The following DMD variants were observed in gnomAD, a reference collection of about 807,000 sequenced individuals.
DMD encodes mutant dystrophin.
In DMD, 63 loss-of-function variants were observed where a neutral mutation model predicts 330.1. The ratio of observed to expected loss-of-function variants is 0.19; its 90% CI spans 0.16 to 0.24. The LOEUF (loss-of-function observed/expected upper bound fraction) is 0.24, where lower values mean the gene tolerates loss of function less well. DMD is among the 10% of genes least tolerant of loss of function. DMD has a pLI of 1.00. For synonymous variants in DMD, 1,223 were observed against 959.8 expected (o/e 1.27, Z -5.07); for missense variants, 3,344 against 2,684.1 (o/e 1.25, Z -5.43).
intron 67 of DMD, among the ~76,000 whole-genome samples, chrX:31,188,165 G>A (rs2041994394): frequency 1.8e-5 from 2 of 111,793 alleles, no homozygotes; most frequent in Admixed American, 1.9e-4. Context: ...GACAAGGTAC[G>A]GGGATTCACG....
chrX:32,684,066 A>G, intron 9 of DMD, among the ~76,000 whole-genome samples: 1 of 108,660 alleles, frequency 9.2e-6, no homozygotes, highest in East Asian at 2.9e-4. Flanking sequence ...GTGTGTATAC[A>G]TAATGGATTT....
At chrX:32,924,365 G>A (rs192060091) in intron 2 of DMD, among the ~76,000 whole-genome samples, 2 of 110,078 alleles carry the variant, frequency 1.8e-5, no homozygotes, top group Non-Finnish European at 1.9e-5. Context: ...CTGTCTCCAC[G>A]AAAAATAAAA....
intron 1 of DMD, among the ~76,000 whole-genome samples, chrX:33,246,267 C>T (rs1442741811): frequency 1.8e-5 from 2 of 111,916 alleles, no homozygotes; most frequent in Non-Finnish European, 3.8e-5. Flanking sequence ...GTGCAGAACA[C>T]ACCTGGGCCT....
chrX:32,273,281 T>TAAAACAAAAC (rs74314252), intron 43 of DMD, among the ~76,000 whole-genome samples: 32 of 107,191 alleles, frequency 3.0e-4, no homozygotes, highest in African/African-American at 1.1e-3. Context: ...GCTCCTTAAA[T>TAAAACAAAAC]AAAACAAAAC....
chrX:31,973,643 G>A (rs1024309792), intron 44 of DMD, among the ~76,000 whole-genome samples: 1 of 111,034 alleles, frequency 9.0e-6, no homozygotes, highest in Non-Finnish European at 1.9e-5. Flanking sequence ...CTTCCTTGAC[G>A]ATACTGTTAA....
rs769691980 is a variant in DMD, at chrX:32,463,535, C to T, written c.3336G>A (p.Gly1112=). ...GCTCTGCTTCATTCTTTATCTTCTG[C>T]CCACCTTCATTGACACTGTTTAGAC... ...QPSLNSVNEG[G]QKIKNEAEPE... Residue 1112 remains glycine (G), a synonymous_variant, in exon 25 of 79, where the codon GGG becomes GGA. Transcript: ENST00000357033. The T allele has an allele frequency of 8.3e-7, 1 of 1,201,424 alleles. No individual in the cohort carries two copies. The highest frequency in any genetic ancestry group is 1.1e-6 in the Non-Finnish European group (1 of 889,440).
chrX:32,832,413 C>T (rs907007623), intron 4 of DMD, among the ~76,000 whole-genome samples: 1 of 111,229 alleles, frequency 9.0e-6, no homozygotes, highest in Admixed American at 9.6e-5. Flanking sequence ...CTTCCACCAT[C>T]TATTTGGTTC....
At chrX:32,273,478 T>C (rs1331901194) in intron 43 of DMD, among the ~76,000 whole-genome samples, 1 of 97,573 alleles carries the variant, frequency 1.0e-5, no homozygotes, top group Non-Finnish European at 2.0e-5. Context: ...TGTTGAAGAC[T>C]GTTAGTTCTC....
intron 52 of DMD, among the ~76,000 whole-genome samples, chrX:31,700,405 G>C (rs190310019): frequency 2.3e-4 from 26 of 111,650 alleles, no homozygotes; most frequent in African/African-American, 8.5e-4. Context: ...AATTTAGGCA[G>C]GTCTCTTAAT....
intron 44 of DMD, among the ~76,000 whole-genome samples, chrX:32,001,714 G>A (rs925583193): frequency 5.4e-5 from 6 of 111,505 alleles, no homozygotes; most frequent in African/African-American, 1.3e-4. Flanking sequence ...TTTATTGAGT[G>A]CCTATTCATG....
At chrX:31,962,634 G>A (rs2095316764) in intron 45 of DMD, among the ~76,000 whole-genome samples, 1 of 111,690 alleles carries the variant, frequency 9.0e-6, no homozygotes, top group African/African-American at 3.3e-5. Context: ...ATTTTCAAAA[G>A]AAGACAGAAA....
At chrX:32,493,884 G>C (rs1387260483) in intron 19 of DMD, among the ~76,000 whole-genome samples, 1 of 111,012 alleles carries the variant, frequency 9.0e-6, no homozygotes, top group Non-Finnish European at 1.9e-5. Context: ...ACGTCAACAT[G>C]AACCAGGTAT....
chrX:32,445,468 G>A (rs1465319554), intron 27 of DMD, among the ~76,000 whole-genome samples: 1 of 111,006 alleles, frequency 9.0e-6, no homozygotes, highest in Admixed American at 9.6e-5. Context: ...TCTCACTCCT[G>A]CGTCTGTATA....
intron 2 of DMD, among the ~76,000 whole-genome samples, chrX:32,922,240 T>C (rs887895221): frequency 2.7e-5 from 3 of 110,938 alleles, no homozygotes; most frequent in African/African-American, 9.8e-5. Flanking sequence ...TGAAAATTCT[T>C]ATAATTTCCT....
At chrX:31,272,316 C>G (rs1042495754) in intron 62 of DMD, among the ~76,000 whole-genome samples, 1 of 112,111 alleles carries the variant, frequency 8.9e-6, no homozygotes, top group Non-Finnish European at 1.9e-5. Flanking sequence ...TTTGGAGTAC[C>G]TATTAGCCTG....
chrX:33,222,260 A>G (rs2052195763), intron 1 of DMD, among the ~76,000 whole-genome samples: 3 of 112,038 alleles, frequency 2.7e-5, no homozygotes, highest in Admixed American at 1.9e-4. Context: ...TAGTCACTAC[A>G]ATCTACCATA....
At chrX:32,815,059 C>T (rs777640371) in intron 6 of DMD, among the ~76,000 whole-genome samples, 1 of 111,039 alleles carries the variant, frequency 9.0e-6, no homozygotes, top group Admixed American at 9.7e-5. Context: ...ATACGAGAAA[C>T]AATGTGTTAA....
intron 44 of DMD, among the ~76,000 whole-genome samples, chrX:32,119,399 C>G (rs1416549556): frequency 1.8e-5 from 2 of 109,642 alleles, no homozygotes; most frequent in Non-Finnish European, 3.8e-5. Flanking sequence ...TAACGTAACC[C>G]TATTTGCAAG....
intron 37 of DMD, among the ~76,000 whole-genome samples, chrX:32,362,281 T>G (rs1222127402): frequency 1.8e-5 from 1 of 54,548 alleles, no homozygotes; most frequent in Non-Finnish European, 3.2e-5. Context: ...GCACAACCAG[T>G]AAAGAGGTAA....
Sources: gnomAD v4.1 joint callset for allele counts (sites outside exome capture counted in the v4.1 genomes callset) on GRCh38, gnomAD v4.1.1 for gene constraint, MANE v1.5 for transcripts, NCBI Gene and HGNC (gene_info 2026-07-23, HGNC 2026-07-21) for gene names.